Variants in DPP6 observed in about 807,000 individuals in gnomAD.
DPP6 encodes A-type potassium channel modulatory protein DPP6.
DPP6 carries 69 observed loss-of-function variants against 122.6 expected under a neutral mutation model. The ratio of observed to expected loss-of-function variants is 0.56; its 90% CI spans 0.46 to 0.69. The LOEUF (loss-of-function observed/expected upper bound fraction) is 0.69, where lower values mean the gene tolerates loss of function less well. Among genes scored for constraint, DPP6 ranks in the 30% least tolerant of loss-of-function variants. The probability of loss-of-function intolerance (pLI) is 0.00; values close to 1 mark genes in which losing one functional copy is unlikely to be tolerated. For missense variants in DPP6, 928 were observed against 1,116.9 expected (o/e 0.83, Z 2.41); for synonymous variants, 418 against 433.1 (o/e 0.97, Z 0.43).
intron 1 of DPP6, among the ~76,000 whole-genome samples, chr7:154,398,697 G>A (rs1016364635): frequency 1.3e-5 from 2 of 152,106 alleles, no homozygotes; most frequent in African/African-American, 4.8e-5. Flanking sequence ...GGTGTGCCAG[G>A]TGCATTCACA....
intron 1 of DPP6, among the ~76,000 whole-genome samples, chr7:153,949,541 G>A (rs936954389): frequency 6.6e-6 from 1 of 152,200 alleles, no homozygotes; most frequent in African/African-American, 2.4e-5. Context: ...GAAGGAAAAG[G>A]TGGGTAGGGT....
intron 1 of DPP6, among the ~76,000 whole-genome samples, chr7:154,156,758 G>A (rs1208979841): frequency 2.6e-5 from 4 of 152,078 alleles, no homozygotes; most frequent in Admixed American, 2.0e-4. Context: ...ATTTAATGGA[G>A]GTATAGATAG....
the DPP6 span, among the ~76,000 whole-genome samples, chr7:153,825,515 T>C: frequency 6.6e-6 from 1 of 152,002 alleles, no homozygotes; most frequent in East Asian, 1.9e-4. Flanking sequence ...ACAGTGCCCC[T>C]TAGGGACATG....
At chr7:154,619,444 G>A (rs1031392062) in intron 5 of DPP6, among the ~76,000 whole-genome samples, 1 of 152,196 alleles carries the variant, frequency 6.6e-6, no homozygotes, top group African/African-American at 2.4e-5. Context: ...ATAATGAAAA[G>A]AATGTTTGCT....
chr7:154,534,689 A>G (rs1828098106), intron 3 of DPP6, among the ~76,000 whole-genome samples: 1 of 152,184 alleles, frequency 6.6e-6, no homozygotes, highest in Admixed American at 6.5e-5. Context: ...CATGAAAACT[A>G]CTAAAATTCC....
chr7:154,794,616 C>G (rs1345163534), intron 11 of DPP6, among the ~76,000 whole-genome samples: 1 of 152,226 alleles, frequency 6.6e-6, no homozygotes, highest in Non-Finnish European at 1.5e-5. Flanking sequence ...AGGCGTGCGT[C>G]CCTCCCCACG....
chr7:154,709,684 C>G (rs1841054116), intron 7 of DPP6, among the ~76,000 whole-genome samples: 1 of 151,168 alleles, frequency 6.6e-6, no homozygotes. Context: ...ACTGGCCAGA[C>G]TGATTCTATG....
At chr7:154,832,815 G>T (rs1394959715) in intron 16 of DPP6, among the ~76,000 whole-genome samples, 1 of 152,222 alleles carries the variant, frequency 6.6e-6, no homozygotes, top group African/African-American at 2.4e-5. Context: ...GACCGTGATG[G>T]GTTCTGCAAG....
chr7:154,036,419 C>T (rs1201376365), intron 1 of DPP6, among the ~76,000 whole-genome samples: 1 of 147,794 alleles, frequency 6.8e-6, no homozygotes, highest in Non-Finnish European at 1.5e-5. Context: ...CCTTGTCTGG[C>T]CTCTACTTTC....
At chr7:154,604,452 A>C (rs1474874988) in intron 5 of DPP6, among the ~76,000 whole-genome samples, 1 of 120,622 alleles carries the variant, frequency 8.3e-6, no homozygotes, top group African/African-American at 2.6e-5. Context: ...ATTTTATTAA[A>C]AATCCTATTG....
intron 1 of DPP6, among the ~76,000 whole-genome samples, chr7:154,436,080 T>C (rs1325630513): frequency 6.6e-6 from 1 of 152,180 alleles, no homozygotes; most frequent in East Asian, 1.9e-4. Context: ...AACTGAATAA[T>C]TAATATCTGA....
chr7:153,933,662 AT>A (rs1405410984), intron 1 of DPP6, among the ~76,000 whole-genome samples: 2 of 148,952 alleles, frequency 1.3e-5, no homozygotes, highest in Non-Finnish European at 3.0e-5. Flanking sequence ...AATATTTGCA[AT>A]GCCCTTCACA....
intron 8 of DPP6, among the ~76,000 whole-genome samples, 185 bp from the exon 9 acceptor site, chr7:154,769,232 A>C (rs1461861649): frequency 6.6e-6 from 1 of 152,092 alleles, no homozygotes; most frequent in African/African-American, 2.4e-5. Flanking sequence ...AGCATCAGAC[A>C]TTTCTTGAGC....
chr7:154,521,720 C>T (rs1277537046), intron 3 of DPP6, among the ~76,000 whole-genome samples: 1 of 152,146 alleles, frequency 6.6e-6, no homozygotes, highest in Non-Finnish European at 1.5e-5. Context: ...AATGTCATTA[C>T]TGACGTTGTA....
intron 4 of DPP6, among the ~76,000 whole-genome samples, chr7:154,546,648 G>A (rs1275337803): frequency 1.3e-5 from 2 of 151,924 alleles, no homozygotes; most frequent in Non-Finnish European, 2.9e-5. Flanking sequence ...ATCCTTCTTG[G>A]TTTTATATAA....
At chr7:153,843,753 A>G in the DPP6 span, among the ~76,000 whole-genome samples, 1 of 152,190 alleles carries the variant, frequency 6.6e-6, no homozygotes, top group African/African-American at 2.4e-5. Flanking sequence ...ACAGAGCCTT[A>G]AAACAGAAAC....
chr7:153,919,257 C>T (rs1585032071), intron 1 of DPP6, among the ~76,000 whole-genome samples: 1 of 152,158 alleles, frequency 6.6e-6, no homozygotes, highest in South Asian at 2.1e-4. Flanking sequence ...GACTCTATGT[C>T]ATCCTTGCAC....
intron 1 of DPP6, among the ~76,000 whole-genome samples, chr7:154,255,694 T>A (rs2150904514): frequency 6.6e-6 from 1 of 152,348 alleles, no homozygotes; most frequent in Non-Finnish European, 1.5e-5. Context: ...CGGTCAATCC[T>A]GTCATAGAAC....
chr7:154,624,790 C>G lies in DPP6; in HGVS notation c.628-13031C>G, dbSNP rs1037423852. On this transcript the variant is annotated intron_variant, in intron 5 of 25. Transcript: ENST00000377770. The surrounding 1 kb of genome is among the most constrained non-coding windows in gnomAD (Gnocchi z 4.7). Reference sequence around the variant, plus strand: ...ATGTCAGGGACCCCACCCCAGGATTCTTACCAGTAGTGATGGGTGAGAAAC... The same window carrying G: ...ATGTCAGGGACCCCACCCCAGGATTGTTACCAGTAGTGATGGGTGAGAAAC... 6.6e-6 allele frequency among the ~76,000 whole-genome samples: 1 copy of G among 152,194 alleles called. No homozygotes were observed. The highest frequency in any genetic ancestry group is 2.4e-5 in the African/African-American group (1 of 41,452).
Sources: allele counts gnomAD v4.1 joint callset (sites outside exome capture counted in the v4.1 genomes callset), GRCh38; gene constraint gnomAD v4.1.1; non-coding constraint Gnocchi (gnomAD v3.1); transcripts MANE v1.5; gene names NCBI Gene and HGNC (gene_info 2026-07-23, HGNC 2026-07-21).